Variants in TNC observed in about 807,000 individuals in gnomAD.
The protein encoded by TNC is tenascin.
TNC carries 109 observed loss-of-function variants against 202.4 expected under a neutral mutation model. The observed-to-expected ratio is 0.54, with a 90% confidence interval of 0.46 to 0.63. The LOEUF (loss-of-function observed/expected upper bound fraction) is 0.63, where lower values mean the gene tolerates loss of function less well. Ranked by LOEUF, TNC falls within the 30% of genes least tolerant of loss-of-function variation. The pLI is 0.00. For missense variants in TNC, 2,756 were observed against 2,833.3 expected (o/e 0.97, Z 0.62); for synonymous variants, 1,007 against 1,089.7 (o/e 0.92, Z 1.50).
At chr9:115,036,895 C>T (rs1194671257) in intron 20 of TNC, among the ~76,000 whole-genome samples, 2 of 152,164 alleles carry the variant, frequency 1.3e-5, no homozygotes, top group African/African-American at 4.8e-5. Flanking sequence ...AAAACTGAGA[C>T]AGTACCAGGC....
At chr9:115,059,324 G>T (rs1409811832) in intron 14 of TNC, among the ~76,000 whole-genome samples, 1 of 152,076 alleles carries the variant, frequency 6.6e-6, no homozygotes, top group African/African-American at 2.4e-5. Flanking sequence ...TTTCCAACTA[G>T]CAAAAGACTC....
intron 6 of TNC, 52 bp from the exon 7 acceptor site, chr9:115,078,264 G>A (rs1453490852): frequency 6.5e-7 from 1 of 1,541,082 alleles, no homozygotes; most frequent in East Asian, 2.3e-5. Context: ...CATTGCCTGA[G>A]GCTTAGCAGA....
At chr9:115,046,240 T>A (rs536123325) in intron 17 of TNC, among the ~76,000 whole-genome samples, 170 bp downstream of exon 17, 1 of 152,202 alleles carries the variant, frequency 6.6e-6, no homozygotes, top group Non-Finnish European at 1.5e-5. Context: ...ATACTTTTTT[T>A]GCATAAGGAC....
chr9:115,031,806 T>C, intron 22 of TNC, 121 bp from the exon 23 acceptor site: 1 of 1,231,034 alleles, frequency 8.1e-7, no homozygotes. Flanking sequence ...TGGACAAGAA[T>C]TCATTGAGTA....
At chr9:115,061,720 G>A (rs1832561534) in intron 13 of TNC, among the ~76,000 whole-genome samples, 1 of 152,176 alleles carries the variant, frequency 6.6e-6, no homozygotes, top group Non-Finnish European at 1.5e-5. Flanking sequence ...TGGGCTTAGG[G>A]CTCAGCACAG....
intron 7 of TNC, 145 bp from the exon 8 acceptor site, chr9:115,076,720 G>T (rs778085123): frequency 2.2e-5 from 20 of 915,012 alleles, no homozygotes; most frequent in Middle Eastern, 4.9e-4. Flanking sequence ...CCCCATAGTG[G>T]ATGTGCAAAT....
intron 6 of TNC, among the ~76,000 whole-genome samples, chr9:115,080,789 G>A (rs1834244549): frequency 6.6e-6 from 1 of 151,886 alleles, no homozygotes; most frequent in Admixed American, 6.6e-5. Flanking sequence ...GTGGGAGCCT[G>A]TAATCCCAGC....
At position 115,086,760 on chromosome 9, in the gene TNC, C is replaced by T. The variant is rs1465104044; in HGVS notation, c.971G>A (p.Arg324His). Residue 324 changes from arginine (R) to histidine (H), a missense_variant, in exon 3 of 28, where the codon CGC (arginine) becomes CAC (histidine). Transcript: ENST00000350763. ...ICPNDCFDRG[R>H]CINGTCYCEE... ...GCAGTAGCAGGTGCCATTGATGCAG[C>T]GGCCCCGGTCGAAGCAGTCATTGGG... The T allele has an allele frequency of 6.8e-6, 11 of 1,613,646 alleles. No individual in the cohort carries two copies. Among genetic ancestry groups the T allele is most frequent in the Middle Eastern group, 1.6e-4 (1 of 6,084 alleles).
intron 6 of TNC, 26 bp from the exon 7 acceptor site, chr9:115,078,238 C>T: frequency 6.3e-7 from 1 of 1,584,486 alleles, no homozygotes; most frequent in African/African-American, 1.3e-5. Flanking sequence ...GACAGAGAGG[C>T]TTCAGAGGTT....
chr9:115,078,599 C>T (rs1454040068), intron 6 of TNC, among the ~76,000 whole-genome samples: 1 of 151,906 alleles, frequency 6.6e-6, no homozygotes, highest in Admixed American at 6.6e-5. Flanking sequence ...AACTTAGTCT[C>T]TTTAAATTTT....
rs370145610 is a variant in TNC at position 115,045,207 on chromosome 9, C to T, written c.5125+1203G>A. Among the ~76,000 whole-genome samples, 101 of 152,284 alleles carry T rather than the reference C, an allele frequency of 6.6e-4. 1 individual carries two copies. The Middle Eastern group carries it at 0.024, about 36-fold the overall frequency. On this transcript the variant is annotated intron_variant, in intron 17 of 27. Coordinates refer to ENST00000350763, the MANE Select transcript of TNC (RefSeq NM_002160.4). Reference sequence around the variant, plus strand: ...ATTTTGTGGTTCTGTCCCCTGGTTCCCTTTGAAGCAGCCATCTCCAGCGAA... The same window carrying T: ...ATTTTGTGGTTCTGTCCCCTGGTTCTCTTTGAAGCAGCCATCTCCAGCGAA...
intron 26 of TNC, among the ~76,000 whole-genome samples, chr9:115,025,010 G>A (rs993165514): frequency 1.3e-5 from 2 of 152,170 alleles, no homozygotes; most frequent in Non-Finnish European, 2.9e-5. Context: ...CAGAGCATGA[G>A]GACGGCACGT....
At chr9:115,036,689 G>T (rs951878014) in intron 20 of TNC, among the ~76,000 whole-genome samples, 1 of 152,138 alleles carries the variant, frequency 6.6e-6, no homozygotes, top group African/African-American at 2.4e-5. Flanking sequence ...AGGCTGAGGG[G>T]TCACAAAAAC....
rs200293410 is a variant in TNC at position 115,100,347 on chromosome 9, TAAC to T, written c.-136-9196_-136-9194del. Among the ~76,000 whole-genome samples the T allele has an allele frequency of 1.3e-3, 198 of 152,268 alleles. 2 individuals carry two copies. In the East Asian group the frequency reaches 0.035, roughly 27 times the overall value. On this transcript the variant is annotated intron_variant, in intron 1 of 27. Coordinates refer to ENST00000350763, the MANE Select transcript of TNC (RefSeq NM_002160.4). Reference sequence around the variant, plus strand: ...GCATGGGGCAGACACAGCTAATCGATAACAACACAATTCTGAGGAGCCCCACTT... The same window carrying T: ...GCATGGGGCAGACACAGCTAATCGATAACACAATTCTGAGGAGCCCCACTT...
intron 15 of TNC, among the ~76,000 whole-genome samples, chr9:115,053,265 A>T (rs1293857846): frequency 2.0e-5 from 3 of 152,232 alleles, no homozygotes; most frequent in Non-Finnish European, 4.4e-5. Context: ...TTTAAAGCAT[A>T]AACACCACCA....
chr9:115,036,075 T>C, intron 21 of TNC, 23 bp downstream of exon 21: 1 of 1,613,640 alleles, frequency 6.2e-7, no homozygotes, highest in South Asian at 1.1e-5. Context: ...AGGGAGAGCT[T>C]CCAGCTCTCA....
In TNC at chr9:115,046,797, T is replaced by C. The variant is rs1368878800; in HGVS notation, c.4853-115A>G. On this transcript the variant is annotated intron_variant, in intron 16 of 27. Coordinates refer to ENST00000350763, the MANE Select transcript of TNC (RefSeq NM_002160.4). ...GTAGTGATGCCCCGGCTTTCAGAGA[T>C]AGAAGTGTCCTGAGATACCAAAAAT... 3.2e-6 allele frequency: 4 copies of C among 1,235,200 alleles called. No individual in the cohort carries two copies. The African/African-American group carries it at 4.5e-5, about 14-fold the overall frequency. 76.5% of individuals were successfully genotyped at this position (1,235,200 alleles called of 1,614,324 possible).
intron 1 of TNC, among the ~76,000 whole-genome samples, chr9:115,108,013 C>T (rs764072727): frequency 3.3e-5 from 5 of 152,266 alleles, no homozygotes; most frequent in South Asian, 2.1e-4. Context: ...GGCGAGTTTC[C>T]GTTGGCATCA....
chr9:115,025,587 A>G (rs1415669437), intron 26 of TNC, among the ~76,000 whole-genome samples: 1 of 152,030 alleles, frequency 6.6e-6, no homozygotes, highest in South Asian at 2.1e-4. Flanking sequence ...ACATTGTCGG[A>G]TGCAGTTTTC....
Sources: gnomAD v4.1 joint callset for allele counts (sites outside exome capture counted in the v4.1 genomes callset) on GRCh38, gnomAD v4.1.1 for gene constraint, MANE v1.5 for transcripts, NCBI Gene and HGNC (gene_info 2026-07-23, HGNC 2026-07-21) for gene names.